ATG10: variants seen among roughly 807,000 people sequenced by gnomAD.
ATG10 encodes the protein autophagy related 10.
A neutral mutation model predicts 32.1 loss-of-function variants in ATG10; 30 were observed. The observed-to-expected ratio is 0.94, with a 90% confidence interval of 0.70 to 1.27. The LOEUF (loss-of-function observed/expected upper bound fraction) is 1.27, where lower values mean the gene tolerates loss of function less well. ATG10 is among the 50% of genes most tolerant of loss of function. The pLI is 0.00. For missense variants in ATG10, 233 were observed against 262.3 expected (o/e 0.89, Z 0.77); for synonymous variants, 87 against 91.5 (o/e 0.95, Z 0.28).
chr5:82,102,284 A>T (rs184905843), intron 3 of ATG10, among the ~76,000 whole-genome samples: 120 of 152,144 alleles, frequency 7.9e-4, no homozygotes, highest in African/African-American at 2.6e-3. Flanking sequence ...TGTGGTATGT[A>T]TTTTGGATTT....
At chr5:82,131,424 T>C (rs1766516278) in intron 3 of ATG10, among the ~76,000 whole-genome samples, 1 of 152,142 alleles carries the variant, frequency 6.6e-6, no homozygotes, top group African/African-American at 2.4e-5. Flanking sequence ...GTGACTGTTA[T>C]TTGTGTGACA....
intron 5 of ATG10, among the ~76,000 whole-genome samples, chr5:82,217,574 C>CAT (rs1312118394): frequency 6.6e-6 from 1 of 151,794 alleles, no homozygotes; most frequent in Non-Finnish European, 1.5e-5. Flanking sequence ...AATATATATG[C>CAT]ATATATATAC....
intron 5 of ATG10, among the ~76,000 whole-genome samples, chr5:82,237,682 G>C (rs979999914): frequency 2.0e-5 from 3 of 150,194 alleles, no homozygotes; most frequent in Non-Finnish European, 4.4e-5. Flanking sequence ...CTCTCTCCCC[G>C]AGTCAGAAGT....
At chr5:82,060,689 C>T (rs1470170966) in intron 3 of ATG10, among the ~76,000 whole-genome samples, 2 of 151,954 alleles carry the variant, frequency 1.3e-5, no homozygotes, top group East Asian at 1.9e-4. Context: ...CATGGTGAAA[C>T]CCCCATCTCT....
At chr5:82,014,700 C>T (rs1355075635) in intron 2 of ATG10, among the ~76,000 whole-genome samples, 3 of 152,266 alleles carry the variant, frequency 2.0e-5, no homozygotes, top group Middle Eastern at 3.4e-3. Context: ...TCCTCCATCC[C>T]TTTATTTTGA....
chr5:81,995,374 C>T (rs1286454583), intron 2 of ATG10, among the ~76,000 whole-genome samples: 1 of 152,114 alleles, frequency 6.6e-6, no homozygotes, highest in East Asian at 1.9e-4. Flanking sequence ...AACTCCTGAC[C>T]TCAAGCGATC....
At chr5:82,170,097 T>C (rs1054768006) in intron 4 of ATG10, among the ~76,000 whole-genome samples, 1 of 152,116 alleles carries the variant, frequency 6.6e-6, no homozygotes, top group Non-Finnish European at 1.5e-5. Context: ...TAGCCACATA[T>C]ACAAAAGGCA....
intron 3 of ATG10, among the ~76,000 whole-genome samples, chr5:82,151,980 G>A (rs2149881549): frequency 6.6e-6 from 1 of 152,212 alleles, no homozygotes; most frequent in Admixed American, 6.5e-5. Context: ...TCAAAACAAT[G>A]TAAAAAGACC....
intron 5 of ATG10, among the ~76,000 whole-genome samples, chr5:82,233,048 C>T (rs973108080): frequency 1.3e-5 from 2 of 152,114 alleles, no homozygotes; most frequent in South Asian, 4.1e-4. Flanking sequence ...TAAAATATGA[C>T]TTTGAAAGTA....
At chr5:82,063,789 G>C (rs192214362) in intron 3 of ATG10, among the ~76,000 whole-genome samples, 1 of 152,178 alleles carries the variant, frequency 6.6e-6, no homozygotes, top group Non-Finnish European at 1.5e-5. Flanking sequence ...CACCATGCCC[G>C]GCTGAACTGC....
rs1581687390 is a variant in ATG10, at chr5:82,098,076, C to A, written c.216+39474C>A. 7.2e-5 allele frequency among the ~76,000 whole-genome samples: 11 copies of A among 152,176 alleles called. No individual in the cohort carries two copies. The South Asian group carries it at 2.3e-3, about 32-fold the overall frequency. On this transcript the variant is annotated intron_variant, in intron 3 of 7. Transcript: ENST00000282185. ...CGCTTGACCATCTCATTCAACAGTG[C>A]CCAAGACAGTCATTTTTCAGCCAAG...
Position 82,068,569 on chromosome 5 carries a change from G to GA in ATG10, c.216+9978dup, listed in dbSNP as rs144537613. Among the ~76,000 whole-genome samples the GA allele has an allele frequency of 5.7e-3, 806 of 141,434 alleles. 3 individuals are homozygous for GA. The highest frequency in any genetic ancestry group is 0.015 in the Middle Eastern group (4 of 268). The allele number at this position is 141,434 out of a possible 152,430, so 92.8% of individuals were successfully genotyped here. A position where few individuals can be genotyped will look rare whatever the true frequency, so the allele number is the denominator to read the frequency against. Reference sequence around the variant, plus strand: ...TAAAGTATATATATAATTCTTATCTGAAAAAAAAAAAGACACTTAATAGAT... The same window carrying GA: ...TAAAGTATATATATAATTCTTATCTGAAAAAAAAAAAAGACACTTAATAGAT... On this transcript the variant is annotated intron_variant, in intron 3 of 7. Transcript: ENST00000282185.
intron 4 of ATG10, among the ~76,000 whole-genome samples, chr5:82,174,401 A>G (rs1032484492): frequency 4.6e-5 from 7 of 152,310 alleles, no homozygotes; most frequent in East Asian, 1.9e-4. Context: ...TTTGCCAACC[A>G]TACTCTGATT....
intron 3 of ATG10, among the ~76,000 whole-genome samples, chr5:82,157,231 T>A (rs1307532628): frequency 6.6e-6 from 1 of 152,036 alleles, no homozygotes; most frequent in Non-Finnish European, 1.5e-5. Context: ...GAATGGCACC[T>A]TTTTACCCCC....
At chr5:82,217,993 A>C (rs1055305286) in intron 5 of ATG10, among the ~76,000 whole-genome samples, 3 of 151,618 alleles carry the variant, frequency 2.0e-5, no homozygotes, top group Non-Finnish European at 4.4e-5. Flanking sequence ...AAAACAAAAC[A>C]AAACCAAACA....
In ATG10 at chr5:82,085,089, CT is replaced by C. The variant is rs1286830431; in HGVS notation, c.216+26488del. Among the ~76,000 whole-genome samples the C allele has an allele frequency of 2.5e-4, 38 of 152,232 alleles. No homozygotes were observed. The East Asian group carries it at 7.3e-3, about 29-fold the overall frequency. On this transcript the variant is annotated intron_variant, in intron 3 of 7. Transcript: ENST00000282185. Reference sequence around the variant, plus strand: ...AGTGTGCTGTATTCAGGAGACCCATCTCACGTGCAGAGACACACATAGGCTC... The same window carrying C: ...AGTGTGCTGTATTCAGGAGACCCATCCACGTGCAGAGACACACATAGGCTC...
chr5:82,021,762 C>T (rs563030043), intron 2 of ATG10, among the ~76,000 whole-genome samples: 34 of 151,106 alleles, frequency 2.3e-4, no homozygotes, highest in African/African-American at 6.8e-4. Flanking sequence ...CAGTGGCTCA[C>T]GCCTGTAATC....
chr5:82,170,289 T>A, intron 4 of ATG10, among the ~76,000 whole-genome samples: 1 of 152,368 alleles, frequency 6.6e-6, no homozygotes, highest in South Asian at 2.1e-4. Context: ...TATTAAAATA[T>A]ACATGAGTGC....
intron 3 of ATG10, among the ~76,000 whole-genome samples, chr5:82,087,806 A>T (rs77016298): frequency 6.6e-6 from 1 of 152,130 alleles, no homozygotes; most frequent in African/African-American, 2.4e-5. Context: ...TATGTTAAGG[A>T]TGATGATAAT....
Sources: gnomAD v4.1 joint callset for allele counts (sites outside exome capture counted in the v4.1 genomes callset) on GRCh38, gnomAD v4.1.1 for gene constraint, MANE v1.5 for transcripts, NCBI Gene and HGNC (gene_info 2026-07-23, HGNC 2026-07-21) for gene names.